The following DLGAP1 variants were observed in gnomAD, a reference collection of about 807,000 sequenced individuals.
The protein encoded by DLGAP1 is disks large-associated protein 1.
Under a neutral mutation model 90.8 loss-of-function variants are expected in DLGAP1, and 11 were observed. That is an observed-to-expected ratio of 0.12 (90% CI 0.08 to 0.20). The LOEUF (loss-of-function observed/expected upper bound fraction) is 0.20, where lower values mean the gene tolerates loss of function less well. Ranked by LOEUF, DLGAP1 falls within the 10% of genes least tolerant of loss-of-function variation. The pLI is 1.00. For missense variants in DLGAP1, 1,050 were observed against 1,333.8 expected (o/e 0.79, Z 3.31); for synonymous variants, 558 against 540.7 (o/e 1.03, Z -0.44).
At chr18:3,799,123 C>G (rs1310866084) in intron 5 of DLGAP1, among the ~76,000 whole-genome samples, 1 of 152,154 alleles carries the variant, frequency 6.6e-6, no homozygotes, top group African/African-American at 2.4e-5. Flanking sequence ...GATCCACCAG[C>G]CTTGGCTTCC....
intron 2 of DLGAP1, among the ~76,000 whole-genome samples, chr18:4,095,723 C>T (rs1394551436): frequency 2.6e-5 from 4 of 151,654 alleles, no homozygotes; most frequent in East Asian, 3.9e-4. Flanking sequence ...CAACTGGAAA[C>T]GACATAATAT....
intron 7 of DLGAP1, among the ~76,000 whole-genome samples, chr18:3,701,656 G>A (rs1206889323): frequency 1.3e-5 from 2 of 152,214 alleles, no homozygotes; most frequent in African/African-American, 4.8e-5. Flanking sequence ...GAAGAGGTTG[G>A]TGCAGAGAAG....
intron 4 of DLGAP1, 129 bp downstream of exon 4, chr18:3,878,983 C>G: frequency 2.7e-6 from 2 of 748,664 alleles, no homozygotes; most frequent in Non-Finnish European, 1.9e-6. Flanking sequence ...ACAGAGATGC[C>G]GAATAATTTG....
intron 2 of DLGAP1, among the ~76,000 whole-genome samples, chr18:4,042,759 T>C (rs2074994651): frequency 6.6e-6 from 1 of 152,112 alleles, no homozygotes; most frequent in Admixed American, 6.6e-5. Flanking sequence ...TAAAATAAAA[T>C]AGTAAAATAA....
At chr18:3,883,357 C>A (rs1481729143) in intron 3 of DLGAP1, among the ~76,000 whole-genome samples, 1 of 152,252 alleles carries the variant, frequency 6.6e-6, no homozygotes, top group Non-Finnish European at 1.5e-5. Flanking sequence ...AGACATACTG[C>A]ATCTGGGAGC....
rs145843889 is a variant in DLGAP1 at position 3,501,479 on chromosome 18, C to T, written c.2724+1014G>A. On this transcript the variant is annotated intron_variant, in intron 12 of 12. Transcript: ENST00000315677. ...ATTTTGATGGTGACAGAATTGGAAA[C>T]GGGGGACAGTGATGAGAGCATCACC... 2.1e-3 allele frequency among the ~76,000 whole-genome samples: 320 copies of T among 152,234 alleles called. 1 individual carries two copies. The highest frequency in any genetic ancestry group is 7.0e-3 in the African/African-American group (291 of 41,536).
intron 1 of DLGAP1, among the ~76,000 whole-genome samples, chr18:4,260,916 A>G (rs77042080): frequency 2.7e-4 from 41 of 152,368 alleles, no homozygotes; most frequent in Non-Finnish European, 4.4e-4. Flanking sequence ...ACATCTCACA[A>G]AACATCTAGC....
chr18:3,956,226 C>A (rs748493874), intron 3 of DLGAP1, among the ~76,000 whole-genome samples: 6 of 152,176 alleles, frequency 3.9e-5, no homozygotes, highest in Non-Finnish European at 8.8e-5. Flanking sequence ...TGGTAGATTG[C>A]TCACAGGAGC....
chr18:3,629,662 ACT>A (rs1433603823), intron 7 of DLGAP1, among the ~76,000 whole-genome samples: 2 of 152,024 alleles, frequency 1.3e-5, no homozygotes, highest in Non-Finnish European at 2.9e-5. Context: ...ACAGAGTGAG[ACT>A]CTGTCTCAAA....
At chr18:3,903,666 T>G (rs150255079) in intron 3 of DLGAP1, among the ~76,000 whole-genome samples, 80 of 152,356 alleles carry the variant, frequency 5.3e-4, no homozygotes, top group Non-Finnish European at 9.6e-4. Context: ...TAATATTTGT[T>G]GGATGTTTTA....
At chr18:4,091,010 C>A (rs186382427) in intron 2 of DLGAP1, among the ~76,000 whole-genome samples, 41 of 152,154 alleles carry the variant, frequency 2.7e-4, no homozygotes, top group Non-Finnish European at 2.8e-4. Flanking sequence ...GCAAACACTG[C>A]GTGTTCTCAT....
At chr18:3,779,766 T>C (rs2031508978) in intron 5 of DLGAP1, among the ~76,000 whole-genome samples, 1 of 40,512 alleles carries the variant, frequency 2.5e-5, no homozygotes, top group African/African-American at 1.7e-4. Flanking sequence ...AGTGCACCCT[T>C]TTTTTTTTTT....
intron 5 of DLGAP1, among the ~76,000 whole-genome samples, chr18:3,778,783 G>A (rs1333310582): frequency 6.6e-6 from 1 of 152,160 alleles, no homozygotes; most frequent in Non-Finnish European, 1.5e-5. Flanking sequence ...CCCTGGGAGA[G>A]CTGGCCAGGA....
At chr18:3,542,596 G>A (rs142171285) in intron 9 of DLGAP1, among the ~76,000 whole-genome samples, 29 of 152,194 alleles carry the variant, frequency 1.9e-4, no homozygotes, top group Admixed American at 1.2e-3. Context: ...CCTGGAATTC[G>A]CTTTCCAGAA....
At chr18:3,529,165 T>A (rs1242521759) in intron 10 of DLGAP1, among the ~76,000 whole-genome samples, 4 of 152,194 alleles carry the variant, frequency 2.6e-5, no homozygotes, top group Non-Finnish European at 1.5e-5. Flanking sequence ...GTATAAATAG[T>A]AAGACAGGGG....
At chr18:4,353,062 C>G (rs112022528) in intron 1 of DLGAP1, among the ~76,000 whole-genome samples, 38 of 152,264 alleles carry the variant, frequency 2.5e-4, no homozygotes, top group African/African-American at 8.9e-4. Context: ...GGGCAACAAC[C>G]CTGGCTCAGC....
chr18:4,154,037 C>A (rs117516653), intron 1 of DLGAP1, among the ~76,000 whole-genome samples: 4 of 152,212 alleles, frequency 2.6e-5, no homozygotes, highest in Non-Finnish European at 5.9e-5. Flanking sequence ...CTTTTTCATT[C>A]TTTTCTGTGG....
At chr18:4,400,018 C>T (rs528010952) in intron 1 of DLGAP1, among the ~76,000 whole-genome samples, 20 of 152,230 alleles carry the variant, frequency 1.3e-4, no homozygotes, top group Non-Finnish European at 2.4e-4. Context: ...GTCAACAAAT[C>T]GAGGATCTGC....
intron 1 of DLGAP1, among the ~76,000 whole-genome samples, chr18:4,240,559 C>T (rs902313824): frequency 4.6e-5 from 7 of 151,912 alleles, no homozygotes; most frequent in African/African-American, 1.7e-4. Context: ...ATGAAAATGT[C>T]AAAAAAGAGA....
Sources: allele counts gnomAD v4.1 joint callset (sites outside exome capture counted in the v4.1 genomes callset), GRCh38; gene constraint gnomAD v4.1.1; transcripts MANE v1.5; gene names NCBI Gene and HGNC (gene_info 2026-07-23, HGNC 2026-07-21).